The following UPF2 variants were observed in gnomAD, a reference collection of about 807,000 sequenced individuals.
The protein encoded by UPF2 is regulator of nonsense transcripts 2.
In UPF2, 17 loss-of-function variants were observed where a neutral mutation model predicts 141.4. The observed-to-expected ratio is 0.12, with a 90% confidence interval of 0.08 to 0.18. UPF2 has a LOEUF of 0.18. UPF2 is among the 10% of genes least tolerant of loss of function. The pLI, the probability that UPF2 is intolerant of heterozygous loss-of-function variation, is 1.00. For synonymous variants in UPF2, 540 were observed against 498.0 expected (o/e 1.08, Z -1.12); for missense variants, 1,152 against 1,515.9 (o/e 0.76, Z 3.99).
intron 8 of UPF2, among the ~76,000 whole-genome samples, chr10:11,985,558 A>G (rs929570108): frequency 2.0e-5 from 3 of 149,580 alleles, no homozygotes; most frequent in Non-Finnish European, 4.4e-5. Flanking sequence ...AATGGCGTGA[A>G]CCCGGGAGGC....
intron 9 of UPF2, among the ~76,000 whole-genome samples, chr10:11,976,948 G>C (rs1284529791): frequency 1.3e-5 from 2 of 152,188 alleles, no homozygotes; most frequent in African/African-American, 4.8e-5. Context: ...GGAAACCAAG[G>C]CTTAGAACAG....
intron 5 of UPF2, among the ~76,000 whole-genome samples, chr10:12,002,031 G>T (rs1453209689): frequency 6.6e-6 from 1 of 152,180 alleles, no homozygotes; most frequent in African/African-American, 2.4e-5. Context: ...AGCACTTTGG[G>T]AGGCCGAGGA....
Position 11,998,486 on chromosome 10 carries a change from G to GA in UPF2, c.1759-730dup, listed in dbSNP as rs1417102692. Among the ~76,000 whole-genome samples the GA allele has an allele frequency of 6.6e-6, 1 of 152,100 alleles. No homozygotes were observed. Among genetic ancestry groups the GA allele is most frequent in the African/African-American group, 2.4e-5 (1 of 41,418 alleles). On this transcript the variant is annotated intron_variant, in intron 7 of 21. Coordinates refer to ENST00000357604, the MANE Select transcript of UPF2 (RefSeq NM_015542.4). This position sits in a 1 kb window ranked among gnomAD's most constrained non-coding sequence, Gnocchi z 4.5. Reference sequence around the variant, plus strand: ...CAGCCTTGCTCTGCCAGGCTCCAGGGATCCTCCTGCCTCAGCTCCCGGCCA... The same window carrying GA: ...CAGCCTTGCTCTGCCAGGCTCCAGGGAATCCTCCTGCCTCAGCTCCCGGCCA...
chr10:11,952,316 C>T lies in UPF2; in HGVS notation c.2851-67G>A, dbSNP rs928434494. 22 of 1,366,452 alleles carry T rather than the reference C, an allele frequency of 1.6e-5. No homozygotes were observed. The African/African-American group carries it at 2.9e-4, about 18-fold the overall frequency. 84.6% of individuals were successfully genotyped at this position (1,366,452 alleles called of 1,614,324 possible). A position where few individuals can be genotyped will look rare whatever the true frequency, so the allele number is the denominator to read the frequency against. ...TAACAAAATATTTTAAAATAATAAACTATATTGTGCTGTTTCCCAGTTATA... is the reference window on the plus strand; with the variant it reads ...TAACAAAATATTTTAAAATAATAAATTATATTGTGCTGTTTCCCAGTTATA... On this transcript the variant is annotated intron_variant, in intron 14 of 21. Transcript: ENST00000357604.
intron 10 of UPF2, among the ~76,000 whole-genome samples, chr10:11,964,526 A>G (rs1234273494): frequency 6.6e-6 from 1 of 152,184 alleles, no homozygotes; most frequent in Admixed American, 6.5e-5. Flanking sequence ...TCACTAGGAC[A>G]TTTTAGTATT....
At chr10:11,942,230 C>T (rs553663423) in intron 18 of UPF2, among the ~76,000 whole-genome samples, 131 of 152,068 alleles carry the variant, frequency 8.6e-4, no homozygotes, top group Non-Finnish European at 1.6e-3. Context: ...AAAATTAGCC[C>T]GGGGTGGTGG....
At chr10:11,929,731 G>A in intron 21 of UPF2, 134 bp downstream of exon 21, 1 of 1,269,894 alleles carries the variant, frequency 7.9e-7, no homozygotes, top group Non-Finnish European at 1.1e-6. Context: ...TTTCTATTTT[G>A]CTAAAATATC....
chr10:12,029,482 T>C lies in UPF2; in HGVS notation c.408A>G (p.Glu136=). The C allele has an allele frequency of 6.2e-7, 1 of 1,606,122 alleles. No individual in the cohort carries two copies. The highest frequency in any genetic ancestry group is 8.5e-7 in the Non-Finnish European group (1 of 1,178,192). The part of the protein sequence containing the change: ...ESIQLHQEAW[E]RHHLRKELRS... ...GAAGTTCCTTTCTTAAATGATGTCG[T>C]TCCCAAGCTTCCTGATGAAGCTGAA... is the stretch of plus-strand genomic sequence containing the variant. Residue 136 remains glutamate (E), a synonymous_variant, in exon 3 of 22, where the codon GAA becomes GAG. Transcript: ENST00000357604.
At chr10:11,938,864 T>TTTGTTTG (rs1832894478) in intron 18 of UPF2, among the ~76,000 whole-genome samples, 3 of 81,064 alleles carry the variant, frequency 3.7e-5, no homozygotes, top group African/African-American at 1.2e-4. Flanking sequence ...TTTTTTTTTT[T>TTTGTTTG]TTTTTTTTTT....
Position 11,992,917 on chromosome 10 carries a change from G to A in UPF2, c.1844+4755C>T, listed in dbSNP as rs1833803415. Among the ~76,000 whole-genome samples the A allele has an allele frequency of 6.6e-6, 1 of 152,172 alleles. No individual in the cohort carries two copies. The highest frequency in any genetic ancestry group is 2.4e-5 in the African/African-American group (1 of 41,440). ...TAATCCCAGCACTTTGGGAGGCCAA[G>A]GCGAGTGAATCACTTGCGGTCAGGA... On this transcript the variant is annotated intron_variant, in intron 8 of 21. Transcript: ENST00000357604. This position sits in a 1 kb window ranked among gnomAD's most constrained non-coding sequence, Gnocchi z 4.1.
Position 11,942,560 on chromosome 10 carries a change from G to A in UPF2, c.3378+105C>T, listed in dbSNP as rs1264269138. 4.1e-6 allele frequency: 4 copies of A among 972,980 alleles called. No homozygotes were observed. The East Asian group carries it at 7.6e-5, about 19-fold the overall frequency. The allele number at this position is 972,980 out of a possible 1,614,324, so 60.3% of individuals were successfully genotyped here. A position where few individuals can be genotyped will look rare whatever the true frequency, so the allele number is the denominator to read the frequency against. ...TACACATGATCTAGCAAAAGCTGCTGCAGAAGAGACACTTAGATAGGAGAG... is the reference window on the plus strand; with the variant it reads ...TACACATGATCTAGCAAAAGCTGCTACAGAAGAGACACTTAGATAGGAGAG... On this transcript the variant is annotated intron_variant, in intron 18 of 21. Coordinates refer to ENST00000357604, the MANE Select transcript of UPF2 (RefSeq NM_015542.4).
intron 3 of UPF2, among the ~76,000 whole-genome samples, chr10:12,025,297 T>C (rs1834399422): frequency 6.6e-6 from 1 of 152,164 alleles, no homozygotes; most frequent in Non-Finnish European, 1.5e-5. Flanking sequence ...ACGCCTGTAA[T>C]CCCAGCACTC....
intron 3 of UPF2, among the ~76,000 whole-genome samples, chr10:12,021,879 C>A (rs9665347): frequency 0.38 from 57,845 of 152,052 alleles, 13,260 homozygotes; most frequent in Non-Finnish European, 0.5. Context: ...GATGCAGTGG[C>A]TCACGTCTGT....
rs1243213743 is a variant in UPF2, at chr10:11,994,261, G to C, written c.1844+3411C>G. On this transcript the variant is annotated intron_variant, in intron 8 of 21. Transcript: ENST00000357604. The stretch of plus-strand genomic sequence containing the variant: ...TACAAATTCAAATATGGCACTGTCT[G>C]TAACAGTTAAATATAGTACATTCAT... Among the ~76,000 whole-genome samples, 3 of 152,180 alleles carry C rather than the reference G, an allele frequency of 2.0e-5. No homozygotes were observed. The South Asian group carries it at 6.2e-4, about 32-fold the overall frequency.
intron 21 of UPF2, among the ~76,000 whole-genome samples, chr10:11,928,921 G>A (rs1401276107): frequency 2.0e-5 from 3 of 152,304 alleles, no homozygotes; most frequent in East Asian, 3.9e-4. Context: ...AGGCCAAGGC[G>A]GGCAATCACC....
rs775926535 is a variant in UPF2, at chr10:11,997,766, A to G, written c.1759-9T>C. 1.4e-5 allele frequency: 22 copies of G among 1,613,276 alleles called. No homozygotes were observed. The highest frequency in any genetic ancestry group is 1.6e-4 in the Middle Eastern group (1 of 6,074). ...CAAAAATCCATTGCTGCCTATTGGG[A>G]AAAAGTAAACTTTTTCTTTAAAAAC... On this transcript the variant is annotated splice_polypyrimidine_tract_variant and intron_variant, in intron 7 of 21. Transcript: ENST00000357604.
chr10:11,921,155 GCCCCAGCCTGTC>G lies in UPF2; in HGVS notation c.*131_*142del. ...CAGAGGCTGGTGTTTCTGCCTCCTG[GCCCCAGCCTGTC>G]CCAGGTTTAGATTCGCAACTCTCTA... On this transcript the variant is annotated 3_prime_UTR_variant, in exon 22 of 22. Transcript: ENST00000357604. This position sits in a 1 kb window ranked among gnomAD's most constrained non-coding sequence, Gnocchi z 5.9. 1 of 1,163,126 alleles carries G rather than the reference GCCCCAGCCTGTC, an allele frequency of 8.6e-7. No individual in the cohort carries two copies. Among genetic ancestry groups the G allele is most frequent in the Non-Finnish European group, 1.3e-6 (1 of 768,980 alleles). The allele number at this position is 1,163,126 out of a possible 1,614,324, so 72.1% of individuals were successfully genotyped here.
chr10:11,934,491 G>A (rs1832820541), intron 19 of UPF2, among the ~76,000 whole-genome samples: 1 of 152,200 alleles, frequency 6.6e-6, no homozygotes, highest in African/African-American at 2.4e-5. Flanking sequence ...CAGTGTCTGA[G>A]GAAGATTCAG....
At chr10:11,970,790 C>A (rs935261655) in intron 9 of UPF2, among the ~76,000 whole-genome samples, 1 of 151,540 alleles carries the variant, frequency 6.6e-6, no homozygotes, top group Admixed American at 6.6e-5. Context: ...CCAGCCCGGG[C>A]GACAGAGTGA....
Sources: allele counts gnomAD v4.1 joint callset (sites outside exome capture counted in the v4.1 genomes callset), GRCh38; gene constraint gnomAD v4.1.1; non-coding constraint Gnocchi (gnomAD v3.1); transcripts MANE v1.5; gene names NCBI Gene and HGNC (gene_info 2026-07-23, HGNC 2026-07-21).